The following METTL15 variants were observed in gnomAD, a reference collection of about 807,000 sequenced individuals.
The protein encoded by METTL15 is methyltransferase 15, mitochondrial 12S rRNA N4-cytidine.
METTL15 carries 34 observed loss-of-function variants against 38.3 expected under a neutral mutation model. The observed-to-expected ratio is 0.89, with a 90% CI of 0.68 to 1.18. METTL15 has a LOEUF of 1.18. METTL15 is among the 50% of genes most tolerant of loss of function. METTL15 has a pLI of 0.00. For synonymous variants in METTL15, 162 were observed against 170.9 expected (o/e 0.95, Z 0.41); for missense variants, 438 against 498.4 (o/e 0.88, Z 1.15).
At chr11:28,115,623 C>G (rs1352854000) in intron 3 of METTL15, among the ~76,000 whole-genome samples, 1 of 151,922 alleles carries the variant, frequency 6.6e-6, no homozygotes, top group Non-Finnish European at 1.5e-5. Context: ...TAAGCTAGAG[C>G]AAAAATATTA....
intron 4 of METTL15, among the ~76,000 whole-genome samples, chr11:28,259,236 C>CG (rs1855097671): frequency 6.6e-6 from 1 of 152,000 alleles, no homozygotes; most frequent in African/African-American, 2.4e-5. Context: ...GCTATGGCTA[C>CG]GCTGGTTTCC....
intron 6 of METTL15, among the ~76,000 whole-genome samples, chr11:28,431,707 C>A: frequency 1.0e-5 from 1 of 96,132 alleles, no homozygotes; most frequent in Non-Finnish European, 2.1e-5. Flanking sequence ...TATCTGCTGA[C>A]CTTCCCTCCA....
intron 6 of METTL15, among the ~76,000 whole-genome samples, chr11:28,441,476 T>C (rs1169678687): frequency 6.6e-6 from 1 of 152,206 alleles, no homozygotes; most frequent in Non-Finnish European, 1.5e-5. Context: ...GAATTTTCAG[T>C]TGTACCTTCC....
At chr11:28,388,925 T>G (rs1244077289) in intron 5 of METTL15, among the ~76,000 whole-genome samples, 1 of 151,994 alleles carries the variant, frequency 6.6e-6, no homozygotes, top group Non-Finnish European at 1.5e-5. Flanking sequence ...AGTGAGAACA[T>G]GCAGTGTTCG....
intron 5 of METTL15, among the ~76,000 whole-genome samples, chr11:28,373,322 G>A (rs1490773042): frequency 2.0e-5 from 3 of 152,072 alleles, no homozygotes; most frequent in Admixed American, 6.6e-5. Flanking sequence ...TCTAACTGGT[G>A]TGAGATGGTA....
At chr11:28,113,106 A>T (rs1374141406) in intron 2 of METTL15, among the ~76,000 whole-genome samples, 1 of 152,124 alleles carries the variant, frequency 6.6e-6, no homozygotes, top group Non-Finnish European at 1.5e-5. Flanking sequence ...TTGTATTTAA[A>T]TTATGTTTAA....
At chr11:28,217,046 G>A (rs1439514297) in intron 4 of METTL15, among the ~76,000 whole-genome samples, 1 of 152,050 alleles carries the variant, frequency 6.6e-6, no homozygotes, top group African/African-American at 2.4e-5. Flanking sequence ...CTTTATAGCA[G>A]CATGATTTAT....
chr11:28,292,070 T>G (rs919198732), intron 5 of METTL15, among the ~76,000 whole-genome samples: 1 of 152,080 alleles, frequency 6.6e-6, no homozygotes, highest in Non-Finnish European at 1.5e-5. Context: ...TTTTATTTTT[T>G]ATTATACTTT....
At chr11:28,463,022 G>T (rs976816095) in intron 6 of METTL15, among the ~76,000 whole-genome samples, 1 of 152,040 alleles carries the variant, frequency 6.6e-6, no homozygotes, top group Non-Finnish European at 1.5e-5. Context: ...TTTCTCAGAT[G>T]AATACATGGA....
chr11:28,165,280 A>G (rs571189174), intron 3 of METTL15, among the ~76,000 whole-genome samples: 5 of 152,172 alleles, frequency 3.3e-5, no homozygotes, highest in African/African-American at 1.2e-4. Flanking sequence ...TAATGGTTGT[A>G]TTAATTTATC....
chr11:28,442,772 G>T (rs1469426610), intron 6 of METTL15, among the ~76,000 whole-genome samples: 2 of 152,024 alleles, frequency 1.3e-5, no homozygotes, highest in Non-Finnish European at 2.9e-5. Context: ...ATTTACGTTG[G>T]TTTTCGGTTG....
At chr11:28,158,949 C>A (rs1050692767) in intron 3 of METTL15, among the ~76,000 whole-genome samples, 41 of 152,170 alleles carry the variant, frequency 2.7e-4, no homozygotes, top group African/African-American at 9.4e-4. Context: ...TACTGTTTCT[C>A]CCATAGCCGG....
At chr11:28,322,406 G>A (rs7102106) in intron 6 of METTL15, among the ~76,000 whole-genome samples, 35,265 of 151,918 alleles carry the variant, frequency 0.23, 4,259 homozygotes, top group Non-Finnish European at 0.25. Flanking sequence ...TATTAGATTT[G>A]AAAAGATGTC....
chr11:28,278,916 C>T (rs958232077), intron 4 of METTL15, among the ~76,000 whole-genome samples: 2 of 152,176 alleles, frequency 1.3e-5, no homozygotes, highest in East Asian at 3.9e-4. Flanking sequence ...AACCTCCGCT[C>T]CCCAGACCCA....
intron 6 of METTL15, among the ~76,000 whole-genome samples, chr11:28,327,070 A>T (rs1565257959): frequency 6.6e-6 from 1 of 152,146 alleles, no homozygotes; most frequent in Non-Finnish European, 1.5e-5. Flanking sequence ...TGGAAGTTTA[A>T]CCTATCTAAA....
intron 2 of METTL15, among the ~76,000 whole-genome samples, chr11:28,111,403 G>A (rs985753351): frequency 1.3e-5 from 2 of 152,024 alleles, no homozygotes; most frequent in African/African-American, 4.8e-5. Flanking sequence ...CACTTTTTAG[G>A]CGTATACATT....
intron 4 of METTL15, among the ~76,000 whole-genome samples, chr11:28,231,476 T>C (rs1338414480): frequency 6.6e-6 from 1 of 151,912 alleles, no homozygotes; most frequent in Non-Finnish European, 1.5e-5. Flanking sequence ...TTTTTTCTTA[T>C]GGTAAAATTC....
intron 6 of METTL15, among the ~76,000 whole-genome samples, chr11:28,302,711 C>G (rs1317827599): frequency 6.6e-6 from 1 of 152,040 alleles, no homozygotes; most frequent in Non-Finnish European, 1.5e-5. Flanking sequence ...TGAAAATGAC[C>G]AATACGTCCC....
At chr11:28,341,903 A>G (rs547315424) in intron 3 of METTL15, among the ~76,000 whole-genome samples, 3 of 152,208 alleles carry the variant, frequency 2.0e-5, no homozygotes, top group Admixed American at 2.0e-4. Flanking sequence ...TTCCATTCCT[A>G]TCACAGTTAA....
Sources: gnomAD v4.1 joint callset for allele counts (sites outside exome capture counted in the v4.1 genomes callset) on GRCh38, gnomAD v4.1.1 for gene constraint, MANE v1.5 for transcripts, NCBI Gene and HGNC (gene_info 2026-07-23, HGNC 2026-07-21) for gene names.